The following GMDS variants were observed in gnomAD, a reference collection of about 807,000 sequenced individuals.
GMDS encodes the protein GDP-mannose 4,6 dehydratase.
GMDS carries 20 observed loss-of-function variants against 49.9 expected under a neutral mutation model. The ratio of observed to expected loss-of-function variants is 0.40; its 90% CI spans 0.28 to 0.58. GMDS has a LOEUF of 0.58. Among genes scored for constraint, GMDS ranks in the 20% least tolerant of loss-of-function variants. The probability of loss-of-function intolerance (pLI) is 0.42; values close to 1 mark genes in which losing one functional copy is unlikely to be tolerated. For synonymous variants in GMDS, 177 were observed against 178.6 expected, an observed-to-expected ratio of 0.99 and a Z score of 0.07; for missense variants, 362 against 481.4, an observed-to-expected ratio of 0.75 and a Z score of 2.32.
At chr6:2,164,815 AT>A (rs1305532208) in intron 1 of GMDS, among the ~76,000 whole-genome samples, 4 of 152,234 alleles carry the variant, frequency 2.6e-5, no homozygotes, top group African/African-American at 9.6e-5. Context: ...CCTTCAGGGC[AT>A]TTATGTGGTG....
chr6:1,767,817 C>T (rs751687183), intron 7 of GMDS, among the ~76,000 whole-genome samples: 1 of 152,174 alleles, frequency 6.6e-6, no homozygotes, highest in African/African-American at 2.4e-5. Context: ...TTTGGACTCT[C>T]TCCCAAACAT....
chr6:1,829,920 T>G (rs1771283132), intron 7 of GMDS, among the ~76,000 whole-genome samples: 1 of 152,224 alleles, frequency 6.6e-6, no homozygotes, highest in African/African-American at 2.4e-5. Flanking sequence ...TGCCTCAGCC[T>G]AATTCAGAAT....
At chr6:2,099,167 T>A (rs1773782865) in intron 4 of GMDS, among the ~76,000 whole-genome samples, 1 of 152,112 alleles carries the variant, frequency 6.6e-6, no homozygotes, top group Non-Finnish European at 1.5e-5. Flanking sequence ...CAGTGGCCAA[T>A]AATGGTCTAT....
In GMDS at chr6:1,847,784, C is replaced by T. The variant is rs575649950; in HGVS notation, c.771+82319G>A. ...TACTAATCAGTTGGTAAGTTCTACA[C>T]AGTGTCTACCCAGGCAACATCTCTG... On this transcript the variant is annotated intron_variant, in intron 7 of 10. Coordinates refer to ENST00000380815, the MANE Select transcript of GMDS (RefSeq NM_001500.4). Among the ~76,000 whole-genome samples, 4 of 152,318 alleles carry T rather than the reference C, an allele frequency of 2.6e-5. No homozygotes were observed. The South Asian group carries it at 6.2e-4, about 24-fold the overall frequency.
At chr6:1,867,828 A>C (rs1758514395) in intron 7 of GMDS, among the ~76,000 whole-genome samples, 1 of 152,196 alleles carries the variant, frequency 6.6e-6, no homozygotes, top group African/African-American at 2.4e-5. Flanking sequence ...AAGAAAACAC[A>C]CATTGAGGAA....
At chr6:2,008,839 T>C (rs1300042436) in intron 4 of GMDS, among the ~76,000 whole-genome samples, 1 of 152,208 alleles carries the variant, frequency 6.6e-6, no homozygotes, top group Non-Finnish European at 1.5e-5. Flanking sequence ...GTTTGTTACA[T>C]GCCCTAGCAG....
intron 7 of GMDS, among the ~76,000 whole-genome samples, chr6:1,818,750 T>G (rs776486156): frequency 6.6e-6 from 1 of 151,946 alleles, no homozygotes; most frequent in Non-Finnish European, 1.5e-5. Context: ...ATACATGTAA[T>G]AAATATACAT....
At chr6:2,036,152 A>C (rs1769295191) in intron 4 of GMDS, among the ~76,000 whole-genome samples, 2 of 152,154 alleles carry the variant, frequency 1.3e-5, no homozygotes, top group South Asian at 4.1e-4. Context: ...CCTAATGAAA[A>C]TCAACTCAAC....
At chr6:1,681,731 T>C (rs1453946026) in intron 9 of GMDS, among the ~76,000 whole-genome samples, 1 of 152,244 alleles carries the variant, frequency 6.6e-6, no homozygotes, top group Non-Finnish European at 1.5e-5. Context: ...TGTGCAGAAA[T>C]GCACTAAGGC....
At chr6:2,162,082 C>T (rs1777430946) in intron 1 of GMDS, among the ~76,000 whole-genome samples, 1 of 152,176 alleles carries the variant, frequency 6.6e-6, no homozygotes, top group African/African-American at 2.4e-5. Flanking sequence ...ATTGTCTATG[C>T]TTGATAAGGT....
At chr6:2,109,871 T>A (rs1029181059) in intron 4 of GMDS, among the ~76,000 whole-genome samples, 1 of 152,232 alleles carries the variant, frequency 6.6e-6, no homozygotes, top group Non-Finnish European at 1.5e-5. Context: ...CAGGCCCTCA[T>A]CCACATTTCA....
At chr6:1,969,261 C>CAAAAAAAAAAAAAAAAAAAAAAAAAA (rs761741871) in intron 4 of GMDS, among the ~76,000 whole-genome samples, 1 of 14,098 alleles carries the variant, frequency 7.1e-5, no homozygotes, top group Non-Finnish European at 1.9e-4. Context: ...GGCTCCATCT[C>CAAAAAAAAAAAAAAAAAAAAAAAAAA]AAAAAAAAAA....
rs74708146 is a variant in GMDS, at chr6:2,136,939, T to G, written c.103-12208A>C. ...AAAAAAAAAAAGAAAGAAAAACTGA[T>G]TTGACTTTGAAGTATAAGCATATCA... On this transcript the variant is annotated intron_variant, in intron 1 of 10. Coordinates refer to ENST00000380815, the MANE Select transcript of GMDS (RefSeq NM_001500.4). 9.3e-3 allele frequency among the ~76,000 whole-genome samples: 1,418 copies of G among 151,934 alleles called. 16 individuals carry two copies. Among genetic ancestry groups the G allele is most frequent in the Middle Eastern group, 0.024 (7 of 290 alleles).
intron 7 of GMDS, among the ~76,000 whole-genome samples, chr6:1,917,397 C>T (rs1212978874): frequency 6.6e-6 from 1 of 152,126 alleles, no homozygotes; most frequent in East Asian, 1.9e-4. Context: ...CAGCCTTTTC[C>T]TATGAAAATG....
intron 9 of GMDS, among the ~76,000 whole-genome samples, chr6:1,707,134 A>T (rs1052368733): frequency 6.6e-6 from 1 of 152,170 alleles, no homozygotes; most frequent in Non-Finnish European, 1.5e-5. Flanking sequence ...GTGCCTCTCA[A>T]ATGTTGCTTA....
intron 9 of GMDS, among the ~76,000 whole-genome samples, chr6:1,707,286 G>C (rs1765773497): frequency 6.6e-6 from 1 of 152,146 alleles, no homozygotes; most frequent in Non-Finnish European, 1.5e-5. Flanking sequence ...AAGGTTTTGA[G>C]GTCAAAATGT....
intron 7 of GMDS, among the ~76,000 whole-genome samples, chr6:1,891,258 C>A (rs1459736235): frequency 6.6e-6 from 1 of 152,210 alleles, no homozygotes; most frequent in Non-Finnish European, 1.5e-5. Context: ...ATCCTCACTA[C>A]TGCTGTCTTC....
chr6:1,744,996 C>T (rs1767424777), intron 7 of GMDS, among the ~76,000 whole-genome samples: 1 of 152,186 alleles, frequency 6.6e-6, no homozygotes, highest in Non-Finnish European at 1.5e-5. Context: ...TGCACACACA[C>T]ACACACAGAA....
At chr6:2,079,019 C>A (rs1302530551) in intron 4 of GMDS, among the ~76,000 whole-genome samples, 9 of 33,988 alleles carry the variant, frequency 2.6e-4, no homozygotes, top group Non-Finnish European at 1.4e-4. Context: ...ATGACCTTGT[C>A]TTTTTTTTTT....
Sources: allele counts gnomAD v4.1 joint callset (sites outside exome capture counted in the v4.1 genomes callset), GRCh38; gene constraint gnomAD v4.1.1; transcripts MANE v1.5; gene names NCBI Gene and HGNC (gene_info 2026-07-23, HGNC 2026-07-21).